Variants in UNC13C observed in about 807,000 individuals in gnomAD.
The protein encoded by UNC13C is unc-13 homolog C.
In UNC13C, 174 loss-of-function variants were observed where a neutral mutation model predicts 245.4. The ratio of observed to expected loss-of-function variants is 0.71; its 90% CI spans 0.63 to 0.80. UNC13C has a LOEUF of 0.80. Among genes scored for constraint, UNC13C ranks in the 30% least tolerant of loss-of-function variants. UNC13C has a pLI of 0.00. For missense variants in UNC13C, 2,829 were observed against 2,602.9 expected (o/e 1.09, Z -1.89); for synonymous variants, 992 against 895.1 (o/e 1.11, Z -1.93).
intron 4 of UNC13C, among the ~76,000 whole-genome samples, chr15:54,208,115 C>CATAAA (rs911574638): frequency 4.4e-4 from 67 of 152,060 alleles, no homozygotes; most frequent in Middle Eastern, 3.4e-3. Flanking sequence ...TGATGGGGAG[C>CATAAA]CAGCATGACA....
chr15:54,112,901 T>G (rs2029917129), intron 2 of UNC13C, among the ~76,000 whole-genome samples: 1 of 152,162 alleles, frequency 6.6e-6, no homozygotes, highest in Non-Finnish European at 1.5e-5. Flanking sequence ...AAAATGAAAA[T>G]ACTTCTGAGA....
chr15:54,100,296 CA>C (rs1900097561), intron 2 of UNC13C, among the ~76,000 whole-genome samples: 1 of 151,948 alleles, frequency 6.6e-6, no homozygotes, highest in Admixed American at 6.6e-5. Context: ...CCATCAAAGC[CA>C]AAAATAAAAT....
chr15:54,556,854 G>A (rs1432576870), intron 29 of UNC13C, among the ~76,000 whole-genome samples: 1 of 151,874 alleles, frequency 6.6e-6, no homozygotes, highest in Non-Finnish European at 1.5e-5. Context: ...CATGGCTTTA[G>A]GAAAGGAAGG....
At chr15:54,178,459 A>G (rs1387300481) in intron 4 of UNC13C, among the ~76,000 whole-genome samples, 1 of 152,180 alleles carries the variant, frequency 6.6e-6, no homozygotes, top group Non-Finnish European at 1.5e-5. Context: ...CAAAGAAAAT[A>G]TCAGCAGATA....
the UNC13C span, among the ~76,000 whole-genome samples, chr15:53,944,213 ATTATT>A: frequency 2.0e-5 from 3 of 152,052 alleles, no homozygotes; most frequent in Non-Finnish European, 4.4e-5. Context: ...AAGAAAAGAA[ATTATT>A]TTATTATTTT....
intron 4 of UNC13C, among the ~76,000 whole-genome samples, chr15:54,156,950 T>C (rs544691066): frequency 6.6e-6 from 1 of 151,714 alleles, no homozygotes; most frequent in African/African-American, 2.4e-5. Flanking sequence ...AGGAAAGAAG[T>C]TCTCATTACT....
chr15:53,996,354 G>A (rs1894633645), intron 1 of UNC13C, among the ~76,000 whole-genome samples: 1 of 152,100 alleles, frequency 6.6e-6, no homozygotes, highest in Non-Finnish European at 1.5e-5. Flanking sequence ...GTGAGGCCTG[G>A]TCTTTGCGGT....
chr15:53,920,467 CTGCT>C, the UNC13C span, among the ~76,000 whole-genome samples: 1 of 152,122 alleles, frequency 6.6e-6, no homozygotes, highest in African/African-American at 2.4e-5. Flanking sequence ...GGCAGGAAAA[CTGCT>C]TGGACCGGGA....
At chr15:53,981,226 C>T (rs554504268) in intron 1 of UNC13C, among the ~76,000 whole-genome samples, 4 of 152,268 alleles carry the variant, frequency 2.6e-5, no homozygotes, top group South Asian at 2.1e-4. Flanking sequence ...GCCACCTGTA[C>T]GTTGTCTTCC....
At chr15:54,296,227 G>T (rs1195547462) in intron 11 of UNC13C, among the ~76,000 whole-genome samples, 1 of 152,082 alleles carries the variant, frequency 6.6e-6, no homozygotes, top group African/African-American at 2.4e-5. Context: ...TTGAGACGGA[G>T]TCTCGCTCTA....
chr15:54,209,858 AT>A (rs1321879069), intron 4 of UNC13C, among the ~76,000 whole-genome samples: 4 of 152,160 alleles, frequency 2.6e-5, no homozygotes, highest in African/African-American at 9.6e-5. Context: ...GGGATAGTCA[AT>A]TTATCTATTA....
At chr15:54,622,527 T>C (rs543025026) in intron 31 of UNC13C, 108 bp downstream of exon 31, 41 of 797,680 alleles carry the variant, frequency 5.1e-5, no homozygotes, top group Non-Finnish European at 7.9e-6. Flanking sequence ...ACAATTATTT[T>C]AGGGCATGCA....
At chr15:54,593,240 T>G (rs1898898666) in intron 30 of UNC13C, among the ~76,000 whole-genome samples, 1 of 152,210 alleles carries the variant, frequency 6.6e-6, no homozygotes, top group Non-Finnish European at 1.5e-5. Context: ...GCTCTTAAGA[T>G]TCTTTCCTTT....
At chr15:53,933,911 G>T in the UNC13C span, among the ~76,000 whole-genome samples, 2,575 of 152,258 alleles carry the variant, frequency 0.017, 114 homozygotes, top group East Asian at 0.15. Flanking sequence ...CTGAGACTGG[G>T]TATTTTATAA....
chr15:54,091,991 A>G (rs1223687224), intron 2 of UNC13C, among the ~76,000 whole-genome samples: 1 of 152,184 alleles, frequency 6.6e-6, no homozygotes, highest in Non-Finnish European at 1.5e-5. Context: ...ATCAATATTT[A>G]CTTGTATTGG....
chr15:54,575,504 T>G (rs1897919708), intron 30 of UNC13C, among the ~76,000 whole-genome samples: 1 of 151,972 alleles, frequency 6.6e-6, no homozygotes, highest in South Asian at 2.1e-4. Flanking sequence ...GAGTGAACCA[T>G]TTTCTTATCA....
chr15:54,611,022 T>C (rs1351357282), intron 30 of UNC13C, among the ~76,000 whole-genome samples: 1 of 152,202 alleles, frequency 6.6e-6, no homozygotes, highest in Non-Finnish European at 1.5e-5. Flanking sequence ...ATAGGTTTGA[T>C]CTGTAGAAAA....
At chr15:54,464,874 G>A (rs1310815416) in intron 19 of UNC13C, among the ~76,000 whole-genome samples, 1 of 151,684 alleles carries the variant, frequency 6.6e-6, no homozygotes, top group Non-Finnish European at 1.5e-5. Context: ...GGTATTCATG[G>A]ATTGCTTTTT....
chr15:54,297,343 A>G (rs1328585629), intron 11 of UNC13C, among the ~76,000 whole-genome samples: 1 of 149,902 alleles, frequency 6.7e-6, no homozygotes, highest in East Asian at 2.0e-4. Flanking sequence ...TAGGGGAATC[A>G]TAGTTACTTT....
Sources: allele counts gnomAD v4.1 joint callset (sites outside exome capture counted in the v4.1 genomes callset), GRCh38; gene constraint gnomAD v4.1.1; transcripts MANE v1.5; gene names NCBI Gene and HGNC (gene_info 2026-07-23, HGNC 2026-07-21).